Variants in EYS observed in about 807,000 individuals in gnomAD.
The protein encoded by EYS is EGF-like photoreceptor maintenance factor.
Under a neutral mutation model 282.1 loss-of-function variants are expected in EYS, and 250 were observed. The observed-to-expected ratio is 0.89, with a 90% confidence interval of 0.80 to 0.98. EYS has a LOEUF of 0.98. Ranked by LOEUF, EYS falls within the 50% of genes least tolerant of loss-of-function variation. The probability of loss-of-function intolerance (pLI) is 0.00; values close to 1 mark genes in which losing one functional copy is unlikely to be tolerated. For missense variants in EYS, 4,016 were observed against 3,709.0 expected, an observed-to-expected ratio of 1.08 and a Z score of -2.15; for synonymous variants, 1,355 against 1,282.9, an observed-to-expected ratio of 1.06 and a Z score of -1.20.
intron 19 of EYS, among the ~76,000 whole-genome samples, chr6:64,852,592 A>C: frequency 6.6e-6 from 1 of 152,164 alleles, no homozygotes; most frequent in East Asian, 1.9e-4. Flanking sequence ...ACTTATTTGA[A>C]AACTGAATGT....
At chr6:64,535,678 G>T (rs1209597256) in intron 26 of EYS, among the ~76,000 whole-genome samples, 1 of 151,902 alleles carries the variant, frequency 6.6e-6, no homozygotes, top group Non-Finnish European at 1.5e-5. Flanking sequence ...GGTCGAGGCT[G>T]CAGTGAGCCA....
intron 12 of EYS, among the ~76,000 whole-genome samples, chr6:65,162,974 T>C (rs1764887577): frequency 1.3e-5 from 2 of 150,030 alleles, no homozygotes; most frequent in Non-Finnish European, 3.0e-5. Flanking sequence ...TTTCATGCTC[T>C]TGTTTTTTTC....
At chr6:64,830,433 G>A (rs1765180286) in intron 19 of EYS, among the ~76,000 whole-genome samples, 1 of 151,904 alleles carries the variant, frequency 6.6e-6, no homozygotes, top group Non-Finnish European at 1.5e-5. Flanking sequence ...GTGATCTACT[G>A]AGCAGAGTCT....
chr6:64,103,572 G>A (rs933124555), intron 31 of EYS, among the ~76,000 whole-genome samples: 5 of 152,228 alleles, frequency 3.3e-5, no homozygotes, highest in East Asian at 1.9e-4. Context: ...CAGACTATGC[G>A]AGATTAATAG....
At chr6:64,268,647 C>T (rs2150356328) in intron 30 of EYS, among the ~76,000 whole-genome samples, 1 of 152,142 alleles carries the variant, frequency 6.6e-6, no homozygotes, top group South Asian at 2.1e-4. Context: ...ATTAATGTTA[C>T]AATACATAGC....
At chr6:65,534,702 T>A (rs1048635133) in intron 2 of EYS, among the ~76,000 whole-genome samples, 3 of 152,118 alleles carry the variant, frequency 2.0e-5, no homozygotes, top group African/African-American at 7.2e-5. Context: ...AGCTTCTCCA[T>A]GGCAACAGCC....
intron 12 of EYS, among the ~76,000 whole-genome samples, chr6:65,240,711 T>C (rs1233779702): frequency 6.6e-6 from 1 of 152,208 alleles, no homozygotes; most frequent in African/African-American, 2.4e-5. Context: ...TGATTCTATG[T>C]ATTTGTTGTT....
At chr6:64,643,728 T>C (rs1173440872) in intron 22 of EYS, among the ~76,000 whole-genome samples, 3 of 152,196 alleles carry the variant, frequency 2.0e-5, no homozygotes, top group Non-Finnish European at 4.4e-5. Context: ...ATAAGTCTCA[T>C]TAGATATGAT....
intron 33 of EYS, among the ~76,000 whole-genome samples, chr6:64,048,911 C>G (rs1357458974): frequency 6.6e-6 from 1 of 151,958 alleles, no homozygotes; most frequent in Non-Finnish European, 1.5e-5. Context: ...TTCTTTTCCC[C>G]CCCTAGATGT....
chr6:64,389,058 A>G (rs902285350), intron 28 of EYS, among the ~76,000 whole-genome samples: 6 of 152,240 alleles, frequency 3.9e-5, no homozygotes, highest in African/African-American at 1.4e-4. Flanking sequence ...AATTATAGCA[A>G]TCAACCAATG....
chr6:64,449,809 G>C (rs1357933327), intron 26 of EYS, among the ~76,000 whole-genome samples: 1 of 152,182 alleles, frequency 6.6e-6, no homozygotes, highest in Admixed American at 6.5e-5. Context: ...CAAATGCTGA[G>C]GGATTTTGTC....
At chr6:64,766,655 T>A (rs1369388953) in intron 22 of EYS, among the ~76,000 whole-genome samples, 600 of 46,206 alleles carry the variant, frequency 0.013, 20 homozygotes, top group East Asian at 0.12. Flanking sequence ...AAAAAATATA[T>A]ATATATATAT....
chr6:65,502,908 T>A (rs1766508076), intron 2 of EYS, among the ~76,000 whole-genome samples: 1 of 151,680 alleles, frequency 6.6e-6, no homozygotes, highest in African/African-American at 2.4e-5. Context: ...TAGTCACCAT[T>A]AATGTTAACC....
At chr6:65,071,058 A>G (rs1472331137) in intron 12 of EYS, among the ~76,000 whole-genome samples, 2 of 151,976 alleles carry the variant, frequency 1.3e-5, no homozygotes, top group African/African-American at 4.8e-5. Context: ...AGAAATGGTC[A>G]TTCTTTTATC....
chr6:64,067,049 A>G (rs1771398055), intron 32 of EYS, among the ~76,000 whole-genome samples: 1 of 152,086 alleles, frequency 6.6e-6, no homozygotes, highest in Non-Finnish European at 1.5e-5. Context: ...CTTCATCCCC[A>G]CTTTGAAATG....
intron 22 of EYS, among the ~76,000 whole-genome samples, chr6:64,728,436 C>A (rs1054378633): frequency 6.6e-6 from 1 of 152,094 alleles, no homozygotes; most frequent in African/African-American, 2.4e-5. Context: ...CCGGGTTCAC[C>A]CCATTCTCCT....
chr6:65,214,649 C>A (rs1766266731), intron 12 of EYS, among the ~76,000 whole-genome samples: 1 of 152,150 alleles, frequency 6.6e-6, no homozygotes, highest in Non-Finnish European at 1.5e-5. Context: ...AACAAATGTT[C>A]AACGTAGACA....
chr6:64,008,647 C>T (rs1483310152), intron 33 of EYS, among the ~76,000 whole-genome samples: 2 of 152,106 alleles, frequency 1.3e-5, no homozygotes, highest in Non-Finnish European at 2.9e-5. Flanking sequence ...GGATTTCTTG[C>T]AATGCATGTC....
intron 35 of EYS, among the ~76,000 whole-genome samples, chr6:63,946,647 A>G (rs1240277159): frequency 6.6e-6 from 1 of 152,178 alleles, no homozygotes. Context: ...CATCTCAGTT[A>G]CATAGTAAAC....
Sources: allele counts gnomAD v4.1 joint callset (sites outside exome capture counted in the v4.1 genomes callset), GRCh38; gene constraint gnomAD v4.1.1; transcripts MANE v1.5; gene names NCBI Gene and HGNC (gene_info 2026-07-23, HGNC 2026-07-21).